BCAS3: variants seen among roughly 807,000 people sequenced by gnomAD.
The protein encoded by BCAS3 is BCAS4/BCAS3 fusion.
BCAS3 carries 53 observed loss-of-function variants against 116.1 expected under a neutral mutation model. The observed-to-expected ratio is 0.46, with a 90% CI of 0.37 to 0.57. BCAS3 has a LOEUF of 0.57. BCAS3 is among the 20% of genes least tolerant of loss of function. The pLI, the probability that BCAS3 is intolerant of heterozygous loss-of-function variation, is 0.00. For synonymous variants in BCAS3, 391 were observed against 408.2 expected, an observed-to-expected ratio of 0.96 and a Z score of 0.51; for missense variants, 917 against 1,165.4, an observed-to-expected ratio of 0.79 and a Z score of 3.10.
In BCAS3 at chr17:61,276,721, A is replaced by G. The variant is rs1295026155; in HGVS notation, c.2426-91606A>G. 6.6e-6 allele frequency among the ~76,000 whole-genome samples: 1 copy of G among 152,208 alleles called. No individual in the cohort carries two copies. The highest frequency in any genetic ancestry group is 1.5e-5 in the Non-Finnish European group (1 of 68,042). ...TTGACAAGCTGATCCTAAAATTTAC[A>G]TATAAATTCAAGGGTGCAGAAAAGC... On this transcript the variant is annotated intron_variant, in intron 22 of 23. Coordinates refer to ENST00000407086, the MANE Select transcript of BCAS3 (RefSeq NM_017679.5). This position sits in a 1 kb window ranked among gnomAD's most constrained non-coding sequence, Gnocchi z 4.2.
intron 3 of BCAS3, among the ~76,000 whole-genome samples, 194 bp downstream of exon 3, chr17:60,684,230 T>C (rs2033688768): frequency 6.6e-6 from 1 of 152,214 alleles, no homozygotes; most frequent in Non-Finnish European, 1.5e-5. Flanking sequence ...GCATAAATAT[T>C]ATTCCTTAGG....
intron 10 of BCAS3, among the ~76,000 whole-genome samples, chr17:60,898,379 A>G (rs1315219344): frequency 1.3e-5 from 2 of 152,080 alleles, no homozygotes; most frequent in Non-Finnish European, 2.9e-5. Context: ...ATTAATGAAG[A>G]TATATCTATA....
In BCAS3 at chr17:61,120,070, A is replaced by G. The variant is rs145068703; in HGVS notation, c.2425+35506A>G. 1.4e-3 allele frequency among the ~76,000 whole-genome samples: 215 copies of G among 152,268 alleles called. 3 individuals are homozygous for G. The East Asian group carries it at 0.024, about 17-fold the overall frequency. ...AACAATTGAAGGTATTTTGAAATTA[A>G]TTCAGAACTTTTATGCAATCCCAGT... On this transcript the variant is annotated intron_variant, in intron 22 of 23. Transcript: ENST00000407086.
intron 7 of BCAS3, among the ~76,000 whole-genome samples, chr17:60,826,422 G>T (rs775881060): frequency 6.6e-6 from 1 of 151,932 alleles, no homozygotes; most frequent in Non-Finnish European, 1.5e-5. Flanking sequence ...TGATTCTCTC[G>T]TGTCGGCCTC....
In BCAS3 at chr17:61,025,652, A is replaced by G. The variant is rs78183490; in HGVS notation, c.1638-9014A>G. ...GGATGCTGACATCGTACCGCTGGGT[A>G]TGTTCTTATCTAACTGAGAGAGAGC... On this transcript the variant is annotated intron_variant, in intron 16 of 23. Transcript: ENST00000407086. 7.2e-5 allele frequency among the ~76,000 whole-genome samples: 11 copies of G among 152,200 alleles called. No homozygotes were observed. The East Asian group carries it at 2.1e-3, about 29-fold the overall frequency.
intron 22 of BCAS3, among the ~76,000 whole-genome samples, chr17:61,345,180 G>T (rs56722945): frequency 6.6e-6 from 1 of 152,260 alleles, no homozygotes; most frequent in East Asian, 1.9e-4. Context: ...AACTAAAGCC[G>T]GGAAGAGCTG....
chr17:61,104,750 A>G lies in BCAS3; in HGVS notation c.2425+20186A>G, dbSNP rs1158686150. Reference sequence around the variant, plus strand: ...GAAAAATATTTGCCCTCTCCATAAAAAAAATGCTTACAACTTTATCTTACA... The same window carrying G: ...GAAAAATATTTGCCCTCTCCATAAAGAAAATGCTTACAACTTTATCTTACA... On this transcript the variant is annotated intron_variant, in intron 22 of 23. Transcript: ENST00000407086. This position sits in a 1 kb window ranked among gnomAD's most constrained non-coding sequence, Gnocchi z 4.1. 6.6e-6 allele frequency among the ~76,000 whole-genome samples: 1 copy of G among 152,202 alleles called. No individual in the cohort carries two copies. Among genetic ancestry groups the G allele is most frequent in the Non-Finnish European group, 1.5e-5 (1 of 68,036 alleles).
At chr17:61,184,819 G>A (rs1206765046) in intron 22 of BCAS3, among the ~76,000 whole-genome samples, 1 of 151,964 alleles carries the variant, frequency 6.6e-6, no homozygotes, top group African/African-American at 2.4e-5. Flanking sequence ...TGTGCTAAGT[G>A]AAAAAAGACA....
rs756088661 is a variant in BCAS3, at chr17:60,706,323, T to TA, written c.215-2893dup. On this transcript the variant is annotated intron_variant, in intron 4 of 23. Transcript: ENST00000407086. ...AGGTGATCTACCCTCCTCAGCCTCCTAAAGTGCTGGGATTACAGGCCTGAG... is the reference window on the plus strand; with the variant it reads ...AGGTGATCTACCCTCCTCAGCCTCCTAAAAGTGCTGGGATTACAGGCCTGAG... Among the ~76,000 whole-genome samples the TA allele has an allele frequency of 1.6e-3, 248 of 152,140 alleles. 1 individual carries two copies. The highest frequency in any genetic ancestry group is 2.3e-3 in the Non-Finnish European group (159 of 67,974).
intron 22 of BCAS3, among the ~76,000 whole-genome samples, chr17:61,232,501 T>A (rs1168168934): frequency 6.6e-6 from 1 of 152,136 alleles, no homozygotes; most frequent in East Asian, 1.9e-4. Flanking sequence ...TAGGAATATG[T>A]GTTGTATTCA....
intron 22 of BCAS3, among the ~76,000 whole-genome samples, chr17:61,102,854 A>T (rs2074411112): frequency 6.6e-6 from 1 of 152,094 alleles, no homozygotes; most frequent in Non-Finnish European, 1.5e-5. Flanking sequence ...TCACCACCTT[A>T]CCTTCTTTCC....
chr17:60,689,090 A>G (rs1465055298), intron 3 of BCAS3: 1 of 152,264 alleles, frequency 6.6e-6, no homozygotes, highest in Non-Finnish European at 1.5e-5. Flanking sequence ...GTTGACCAGT[A>G]TAGCGGATGG....
At chr17:60,873,688 T>C (rs1599338263) in intron 8 of BCAS3, among the ~76,000 whole-genome samples, 1 of 152,350 alleles carries the variant, frequency 6.6e-6, no homozygotes, top group East Asian at 1.9e-4. Context: ...TTAGTGAATT[T>C]TACTATATTG....
intron 22 of BCAS3, among the ~76,000 whole-genome samples, chr17:61,092,259 T>C (rs990175561): frequency 1.3e-5 from 2 of 152,240 alleles, no homozygotes; most frequent in Admixed American, 1.3e-4. Context: ...TCCAATATTC[T>C]GTCATTTCCA....
intron 18 of BCAS3, among the ~76,000 whole-genome samples, chr17:61,040,178 T>G (rs1424545616): frequency 2.0e-5 from 3 of 152,232 alleles, no homozygotes; most frequent in African/African-American, 7.2e-5. Context: ...TTTAAAATAT[T>G]CTTGTATTGA....
intron 14 of BCAS3, among the ~76,000 whole-genome samples, chr17:60,972,081 G>A (rs943352461): frequency 2.0e-5 from 3 of 152,202 alleles, no homozygotes; most frequent in Non-Finnish European, 2.9e-5. Flanking sequence ...GAAGGAACTG[G>A]AAGTCTAGTA....
At chr17:60,705,587 A>G (rs2037020439) in intron 4 of BCAS3, among the ~76,000 whole-genome samples, 1 of 152,050 alleles carries the variant, frequency 6.6e-6, no homozygotes, top group African/African-American at 2.4e-5. Context: ...GATGTGAAGC[A>G]TTTCAAGATA....
At chr17:61,114,605 G>A (rs1021508629) in intron 22 of BCAS3, among the ~76,000 whole-genome samples, 40 of 151,984 alleles carry the variant, frequency 2.6e-4, no homozygotes, top group African/African-American at 9.2e-4. Context: ...CAAACAAATG[G>A]AAGAACATTC....
chr17:60,726,510 ATTT>A (rs1157371227), intron 5 of BCAS3, among the ~76,000 whole-genome samples: 4 of 129,610 alleles, frequency 3.1e-5, no homozygotes, highest in Non-Finnish European at 1.7e-5. Flanking sequence ...AGAGGGAGGA[ATTT>A]TTTTTTTTTT....
Sources: allele counts gnomAD v4.1 joint callset (sites outside exome capture counted in the v4.1 genomes callset), GRCh38; gene constraint gnomAD v4.1.1; non-coding constraint Gnocchi (gnomAD v3.1); transcripts MANE v1.5; gene names NCBI Gene and HGNC (gene_info 2026-07-23, HGNC 2026-07-21).